The following CSMD1 variants were observed in gnomAD, a reference collection of about 807,000 sequenced individuals.
CSMD1 encodes CUB and sushi domain-containing protein 1.
CSMD1 carries 213 observed loss-of-function variants against 417.5 expected under a neutral mutation model. That is an observed-to-expected ratio of 0.51 (90% CI 0.46 to 0.57). CSMD1 has a LOEUF of 0.57. Ranked by LOEUF, CSMD1 falls within the 20% of genes least tolerant of loss-of-function variation. The pLI, the probability that CSMD1 is intolerant of heterozygous loss-of-function variation, is 0.00. For missense variants in CSMD1, 6,923 were observed against 4,529.7 expected, an observed-to-expected ratio of 1.53 and a Z score of -15.17; for synonymous variants, 2,862 against 1,736.8, an observed-to-expected ratio of 1.65 and a Z score of -16.11.
chr8:3,516,574 G>T (rs1449696727), intron 10 of CSMD1, among the ~76,000 whole-genome samples: 1 of 152,102 alleles, frequency 6.6e-6, no homozygotes, highest in Middle Eastern at 3.2e-3. Flanking sequence ...AAATCTTTCA[G>T]TGGCCACAGA....
At chr8:3,565,083 T>A (rs1362204183) in intron 10 of CSMD1, among the ~76,000 whole-genome samples, 2 of 55,238 alleles carry the variant, frequency 3.6e-5, no homozygotes, top group Admixed American at 2.3e-4. Context: ...GAACTTAAAA[T>A]AAATATTGAA....
chr8:3,553,007 TGTCA>T (rs1413755857), intron 10 of CSMD1, among the ~76,000 whole-genome samples: 2 of 152,136 alleles, frequency 1.3e-5, no homozygotes, highest in African/African-American at 4.8e-5. Flanking sequence ...ACGTACTGTC[TGTCA>T]ATTACTGGTA....
chr8:4,784,007 G>C (rs1002562897), intron 1 of CSMD1, among the ~76,000 whole-genome samples: 2 of 152,184 alleles, frequency 1.3e-5, no homozygotes, highest in Non-Finnish European at 2.9e-5. Context: ...AGTACGATTA[G>C]TGAAAATTAT....
At chr8:3,916,390 G>A (rs949106249) in intron 5 of CSMD1, among the ~76,000 whole-genome samples, 5 of 152,108 alleles carry the variant, frequency 3.3e-5, no homozygotes, top group African/African-American at 7.2e-5. Flanking sequence ...ATTCCATGAT[G>A]AAATAACTCT....
intron 52 of CSMD1, among the ~76,000 whole-genome samples, chr8:3,016,410 G>A (rs1808836771): frequency 6.6e-6 from 1 of 152,072 alleles, no homozygotes; most frequent in Non-Finnish European, 1.5e-5. Flanking sequence ...GTTTCTTGTG[G>A]ACATATGTTC....
chr8:3,368,783 AG>A (rs1809766922), intron 19 of CSMD1, among the ~76,000 whole-genome samples: 1 of 152,286 alleles, frequency 6.6e-6, no homozygotes, highest in Non-Finnish European at 1.5e-5. Flanking sequence ...AAATGAGGAT[AG>A]AAATATCTAT....
chr8:3,637,304 T>C (rs4469483), intron 7 of CSMD1, among the ~76,000 whole-genome samples: 71,348 of 151,616 alleles, frequency 0.47, 16,867 homozygotes, highest in Middle Eastern at 0.63. Flanking sequence ...GGGAGTTTCA[T>C]AAACAATCTA....
intron 23 of CSMD1, among the ~76,000 whole-genome samples, chr8:3,335,392 G>A (rs138894284): frequency 7.9e-5 from 12 of 152,112 alleles, no homozygotes; most frequent in Non-Finnish European, 1.3e-4. Flanking sequence ...AAGAAGAAAG[G>A]TTTGGCCAGG....
At chr8:3,790,041 A>T (rs1212196304) in intron 5 of CSMD1, among the ~76,000 whole-genome samples, 1 of 152,208 alleles carries the variant, frequency 6.6e-6, no homozygotes, top group Admixed American at 6.5e-5. Flanking sequence ...GATCATGGTT[A>T]ATATTAATGT....
At chr8:4,277,150 G>C (rs1242919082) in intron 3 of CSMD1, among the ~76,000 whole-genome samples, 1 of 151,792 alleles carries the variant, frequency 6.6e-6, no homozygotes, top group Non-Finnish European at 1.5e-5. Flanking sequence ...TAGAGCCATA[G>C]TTTAATCCAA....
chr8:2,976,429 C>T (rs1363697211), intron 55 of CSMD1, among the ~76,000 whole-genome samples: 6 of 152,210 alleles, frequency 3.9e-5, no homozygotes, highest in Admixed American at 1.3e-4. Context: ...GTGGTGCAAT[C>T]GTAACTCCTG....
chr8:4,744,897 T>C (rs1810856316), intron 1 of CSMD1, among the ~76,000 whole-genome samples: 1 of 152,218 alleles, frequency 6.6e-6, no homozygotes, highest in African/African-American at 2.4e-5. Context: ...ACCATAATTC[T>C]AATGGCTCAG....
At chr8:3,602,983 T>C (rs1436827840) in intron 8 of CSMD1, among the ~76,000 whole-genome samples, 3 of 152,168 alleles carry the variant, frequency 2.0e-5, no homozygotes, top group African/African-American at 7.2e-5. Context: ...ACTACAGATA[T>C]TGAAAAGACT....
chr8:4,028,877 A>C (rs138225087), intron 4 of CSMD1, among the ~76,000 whole-genome samples: 14 of 152,330 alleles, frequency 9.2e-5, no homozygotes, highest in African/African-American at 2.9e-4. Flanking sequence ...TTTTCTTAGG[A>C]AAGTCAAAAC....
intron 2 of CSMD1, among the ~76,000 whole-genome samples, chr8:4,434,273 A>G (rs1356730353): frequency 1.3e-5 from 2 of 152,110 alleles, no homozygotes; most frequent in Non-Finnish European, 2.9e-5. Context: ...GGCTGAGGCA[A>G]GAGAATTGCT....
rs1802657538 is a variant in CSMD1 at position 4,633,491 on chromosome 8, CA to C, written c.302+3850del. On this transcript the variant is annotated intron_variant, in intron 2 of 69. Coordinates refer to ENST00000635120, the MANE Select transcript of CSMD1 (RefSeq NM_033225.6). ...GTCTCGATCTACTGACCTCGTGATC[CA>C]ACTGCCTCGGCCTCCCAAAGTGCTG... Among the ~76,000 whole-genome samples, 6 of 152,018 alleles carry C rather than the reference CA, an allele frequency of 3.9e-5. No homozygotes were observed. In the South Asian group the frequency reaches 1.0e-3, roughly 26 times the overall value.
At chr8:4,475,892 C>T (rs1249521861) in intron 2 of CSMD1, among the ~76,000 whole-genome samples, 1 of 152,148 alleles carries the variant, frequency 6.6e-6, no homozygotes, top group Non-Finnish European at 1.5e-5. Context: ...GAATTACAGG[C>T]TTGAGCCACC....
At chr8:3,496,062 A>G (rs1188297146) in intron 10 of CSMD1, among the ~76,000 whole-genome samples, 1 of 151,860 alleles carries the variant, frequency 6.6e-6, no homozygotes, top group Non-Finnish European at 1.5e-5. Context: ...TTCCCCAACC[A>G]ATGTTCCCGA....
At chr8:4,277,454 A>T (rs1055133547) in intron 3 of CSMD1, among the ~76,000 whole-genome samples, 2 of 151,910 alleles carry the variant, frequency 1.3e-5, no homozygotes, top group African/African-American at 4.8e-5. Flanking sequence ...CAACCTCCTC[A>T]CCACATACTT....
Sources: allele counts gnomAD v4.1 joint callset (sites outside exome capture counted in the v4.1 genomes callset), GRCh38; gene constraint gnomAD v4.1.1; transcripts MANE v1.5; gene names NCBI Gene and HGNC (gene_info 2026-07-23, HGNC 2026-07-21).